Variants in NELL1 observed in about 807,000 individuals in gnomAD.
NELL1 encodes neural EGFL like 1.
NELL1 carries 76 observed loss-of-function variants against 107.4 expected under a neutral mutation model. The ratio of observed to expected loss-of-function variants is 0.71; its 90% CI spans 0.59 to 0.86. NELL1 has a LOEUF of 0.86. Among genes scored for constraint, NELL1 ranks in the 40% least tolerant of loss-of-function variants. The pLI, the probability that NELL1 is intolerant of heterozygous loss-of-function variation, is 0.00. For synonymous variants in NELL1, 353 were observed against 341.2 expected (o/e 1.03, Z -0.38); for missense variants, 1,024 against 1,005.5 (o/e 1.02, Z -0.25).
intron 14 of NELL1, among the ~76,000 whole-genome samples, chr11:21,236,503 T>C (rs779983026): frequency 6.6e-6 from 1 of 152,210 alleles, no homozygotes; most frequent in Non-Finnish European, 1.5e-5. Context: ...TGGAAAATCA[T>C]CAGTGGACCT....
At position 20,794,249 on chromosome 11, in the gene NELL1, A is replaced by G. The variant is rs1857128449; in HGVS notation, c.335+10419A>G. 2.0e-5 allele frequency among the ~76,000 whole-genome samples: 3 copies of G among 152,238 alleles called. No homozygotes were observed. The South Asian group carries it at 6.2e-4, about 32-fold the overall frequency. The stretch of plus-strand genomic sequence containing the variant: ...AACATGGATATTGGAAACATTAGGC[A>G]GTCTCTGTCTTGATTGGTTGAGGTG... On this transcript the variant is annotated intron_variant, in intron 3 of 19. Coordinates refer to ENST00000357134, the MANE Select transcript of NELL1 (RefSeq NM_006157.5).
intron 12 of NELL1, among the ~76,000 whole-genome samples, chr11:21,096,128 C>T (rs975406570): frequency 3.3e-5 from 5 of 152,164 alleles, no homozygotes; most frequent in African/African-American, 9.7e-5. Context: ...ATATCAGTTG[C>T]CTTTGCCCAC....
intron 2 of NELL1, among the ~76,000 whole-genome samples, chr11:20,705,971 G>A (rs148765707): frequency 0.19 from 29,614 of 151,924 alleles, 3,179 homozygotes; most frequent in African/African-American, 0.25. Context: ...ATGAGATACC[G>A]TCTCACACCA....
intron 13 of NELL1, among the ~76,000 whole-genome samples, chr11:21,123,694 A>T (rs1855424433): frequency 6.6e-6 from 1 of 152,192 alleles, no homozygotes; most frequent in African/African-American, 2.4e-5. Context: ...TATTTATAGT[A>T]ACTTATCCTA....
chr11:21,288,045 T>TAAGGGAAGGAAAG (rs1554994473), intron 14 of NELL1, among the ~76,000 whole-genome samples: 1 of 143,770 alleles, frequency 7.0e-6, no homozygotes, highest in Non-Finnish European at 1.5e-5. Flanking sequence ...AAAGAAAAAA[T>TAAGGGAAGGAAAG]AAGGGAAGGA....
chr11:21,221,620 G>A (rs1857759101), intron 13 of NELL1, among the ~76,000 whole-genome samples: 1 of 152,124 alleles, frequency 6.6e-6, no homozygotes, highest in African/African-American at 2.4e-5. Context: ...TAGGTTACCT[G>A]TGTCCAGAAA....
Position 20,759,294 on chromosome 11 carries a change from ACTCTCCTATAGGGCTGAC to A in NELL1, c.185-24383_185-24366del, listed in dbSNP as rs560442402. Among the ~76,000 whole-genome samples, 4 of 152,152 alleles carry A rather than the reference ACTCTCCTATAGGGCTGAC, an allele frequency of 2.6e-5. No individual in the cohort carries two copies. In the East Asian group the frequency reaches 7.7e-4, roughly 29 times the overall value. Reference sequence around the variant, plus strand: ...CTTTTCCATAGAGCCTTGGCTCAACACTCTCCTATAGGGCTGACCTGGAGTCTCAGACATTGAAAGGAT... The same window carrying A: ...CTTTTCCATAGAGCCTTGGCTCAACACTGGAGTCTCAGACATTGAAAGGAT... On this transcript the variant is annotated intron_variant, in intron 2 of 19. Transcript: ENST00000357134.
intron 14 of NELL1, among the ~76,000 whole-genome samples, chr11:21,340,321 T>G (rs1395326745): frequency 1.3e-5 from 2 of 151,898 alleles, no homozygotes; most frequent in South Asian, 4.2e-4. Flanking sequence ...CCTGGCTAAT[T>G]TTTTGTATTT....
At position 21,206,413 on chromosome 11, in the gene NELL1, C is replaced by T. The variant is rs1205882857; in HGVS notation, c.1427-22919C>T. 2.6e-4 allele frequency among the ~76,000 whole-genome samples: 40 copies of T among 152,078 alleles called. 2 individuals are homozygous for T. Among genetic ancestry groups the T allele is most frequent in the Admixed American group, 2.6e-3 (40 of 15,272 alleles). Reference sequence around the variant, plus strand: ...TTTTAACAAATTATATCTGGTGAGACTTTATTCACAAATAATGTCACATTC... The same window carrying T: ...TTTTAACAAATTATATCTGGTGAGATTTTATTCACAAATAATGTCACATTC... On this transcript the variant is annotated intron_variant, in intron 13 of 19. Transcript: ENST00000357134.
At chr11:21,510,839 C>A (rs765453064) in intron 15 of NELL1, among the ~76,000 whole-genome samples, 11 of 152,144 alleles carry the variant, frequency 7.2e-5, no homozygotes, top group Non-Finnish European at 1.6e-4. Flanking sequence ...GCTAAGACCA[C>A]CTTGGCTATT....
At chr11:21,171,319 CAAAG>C (rs1178857963) in intron 13 of NELL1, among the ~76,000 whole-genome samples, 1 of 151,720 alleles carries the variant, frequency 6.6e-6, no homozygotes, top group Non-Finnish European at 1.5e-5. Flanking sequence ...CATACACACA[CAAAG>C]AAGAAGAAGA....
chr11:21,303,141 A>G (rs1182349293), intron 14 of NELL1, among the ~76,000 whole-genome samples: 2 of 150,544 alleles, frequency 1.3e-5, no homozygotes, highest in Non-Finnish European at 3.0e-5. Flanking sequence ...ATACACATAC[A>G]TACATATATA....
intron 14 of NELL1, among the ~76,000 whole-genome samples, chr11:21,299,404 C>A (rs1849444411): frequency 2.0e-5 from 3 of 151,876 alleles, no homozygotes; most frequent in Admixed American, 2.0e-4. Flanking sequence ...CCTTCAATCA[C>A]CCAGCCAGAA....
At chr11:20,877,170 T>C (rs1849321193) in intron 4 of NELL1, among the ~76,000 whole-genome samples, 1 of 152,192 alleles carries the variant, frequency 6.6e-6, no homozygotes, top group African/African-American at 2.4e-5. Context: ...TATTCACTAA[T>C]GCCAGCTAAA....
chr11:20,989,914 A>G (rs529962696), intron 12 of NELL1, among the ~76,000 whole-genome samples: 25 of 151,492 alleles, frequency 1.7e-4, no homozygotes, highest in Non-Finnish European at 2.8e-4. Flanking sequence ...GAAGAATGGC[A>G]TGAACCCGGG....
intron 2 of NELL1, among the ~76,000 whole-genome samples, chr11:20,683,106 C>T (rs1157901382): frequency 6.6e-6 from 1 of 151,808 alleles, no homozygotes; most frequent in Non-Finnish European, 1.5e-5. Flanking sequence ...TCCCTTTCCC[C>T]TCTTTATGTC....
intron 15 of NELL1, among the ~76,000 whole-genome samples, chr11:21,521,622 G>C (rs1485515089): frequency 6.6e-6 from 1 of 152,032 alleles, no homozygotes; most frequent in Non-Finnish European, 1.5e-5. Flanking sequence ...GTGTTTTGAA[G>C]TTTTGCCATT....
At chr11:21,430,041 C>G (rs1852928187) in intron 15 of NELL1, among the ~76,000 whole-genome samples, 1 of 152,120 alleles carries the variant, frequency 6.6e-6, no homozygotes, top group South Asian at 2.1e-4. Context: ...ATATGTTCAC[C>G]TCTTTCATTC....
chr11:21,188,795 A>C (rs988674379), intron 13 of NELL1, among the ~76,000 whole-genome samples: 1 of 151,812 alleles, frequency 6.6e-6, no homozygotes, highest in Non-Finnish European at 1.5e-5. Flanking sequence ...AATTCTTTCC[A>C]GTATAAATCT....
Sources: gnomAD v4.1 joint callset for allele counts (sites outside exome capture counted in the v4.1 genomes callset) on GRCh38, gnomAD v4.1.1 for gene constraint, MANE v1.5 for transcripts, NCBI Gene and HGNC (gene_info 2026-07-23, HGNC 2026-07-21) for gene names.